R3HDM1: variants seen among roughly 807,000 people sequenced by gnomAD.
R3HDM1 encodes the protein R3H domain containing 1.
Under a neutral mutation model 141.1 loss-of-function variants are expected in R3HDM1, and 46 were observed. That is an observed-to-expected ratio of 0.33 (90% CI 0.26 to 0.42). R3HDM1 has a LOEUF of 0.42. Among genes scored for constraint, R3HDM1 ranks in the 10% least tolerant of loss-of-function variants. R3HDM1 has a pLI of 1.00. For missense variants in R3HDM1, 1,184 were observed against 1,368.3 expected (o/e 0.87, Z 2.12); for synonymous variants, 435 against 472.9 (o/e 0.92, Z 1.04).
At chr2:135,696,721 G>T (rs925966117) in intron 21 of R3HDM1, among the ~76,000 whole-genome samples, 1 of 152,100 alleles carries the variant, frequency 6.6e-6, no homozygotes, top group Non-Finnish European at 1.5e-5. Flanking sequence ...GAACTTTTGG[G>T]CTCAAGCAAT....
At chr2:135,661,510 C>A in intron 19 of R3HDM1, 117 bp downstream of exon 19, 2 of 1,305,806 alleles carry the variant, frequency 1.5e-6, no homozygotes, top group Non-Finnish European at 2.1e-6. Flanking sequence ...TATGTTCATA[C>A]ATATGAGTTT....
At chr2:135,546,127 C>G (rs1260529976) in intron 1 of R3HDM1, among the ~76,000 whole-genome samples, 1 of 152,200 alleles carries the variant, frequency 6.6e-6, no homozygotes. Context: ...ATTCTAGTGA[C>G]AAGAGCGCAT....
intron 16 of R3HDM1, among the ~76,000 whole-genome samples, chr2:135,649,697 C>T (rs970397768): frequency 2.0e-5 from 3 of 152,116 alleles, no homozygotes; most frequent in Non-Finnish European, 2.9e-5. Context: ...GTAATAAATT[C>T]AGGCGTACAT....
chr2:135,604,262 G>A (rs901583586), intron 2 of R3HDM1, among the ~76,000 whole-genome samples: 1 of 151,936 alleles, frequency 6.6e-6, no homozygotes, highest in Non-Finnish European at 1.5e-5. Context: ...AAGAAATTTG[G>A]AATTTTAGGA....
intron 1 of R3HDM1, chr2:135,586,915 A>G: frequency 1.0e-6 from 1 of 984,858 alleles, no homozygotes; most frequent in Non-Finnish European, 1.2e-6. Context: ...TAAAAATTTT[A>G]TTGTGGAACA....
At chr2:135,582,709 T>C (rs1041194251) in intron 1 of R3HDM1, among the ~76,000 whole-genome samples, 1 of 152,166 alleles carries the variant, frequency 6.6e-6, no homozygotes, top group Non-Finnish European at 1.5e-5. Flanking sequence ...AGTGAGGTAT[T>C]TTTACTTCAA....
intron 21 of R3HDM1, among the ~76,000 whole-genome samples, chr2:135,683,855 T>G (rs1481662318): frequency 2.0e-5 from 3 of 152,084 alleles, no homozygotes. Context: ...TTATCCTACA[T>G]ATTTCAGTAT....
chr2:135,590,710 C>A (rs1709062141), intron 1 of R3HDM1: 5 of 985,340 alleles, frequency 5.1e-6, no homozygotes, highest in Middle Eastern at 5.2e-4. Context: ...TAGCAGTGTT[C>A]ACCCATGCCC....
At chr2:135,669,754 A>C (rs1487443847) in intron 19 of R3HDM1, 1 of 204,484 alleles carries the variant, frequency 4.9e-6, no homozygotes, top group Non-Finnish European at 8.6e-6. Context: ...CTATTTCATA[A>C]GATTGTGAAC....
intron 1 of R3HDM1, chr2:135,549,859 A>C: frequency 1.8e-6 from 1 of 568,092 alleles, no homozygotes; most frequent in Non-Finnish European, 2.2e-6. Context: ...ACTGAATTGT[A>C]CCTTTAAAAA....
intron 19 of R3HDM1, among the ~76,000 whole-genome samples, chr2:135,662,822 A>C (rs1416370519): frequency 1.3e-5 from 2 of 152,224 alleles, no homozygotes; most frequent in African/African-American, 2.4e-5. Context: ...CTCAAGTAAT[A>C]GAATTTTCAT....
chr2:135,684,368 C>A (rs969280315), intron 21 of R3HDM1, among the ~76,000 whole-genome samples: 1 of 152,320 alleles, frequency 6.6e-6, no homozygotes, highest in East Asian at 1.9e-4. Flanking sequence ...GGATTACAGG[C>A]GTGAGCCACC....
rs181015290 is a variant in R3HDM1, at chr2:135,645,108, A to T, written c.1475-271A>T. 5.0e-4 allele frequency: 104 copies of T among 207,438 alleles called. 1 individual carries two copies. The highest frequency in any genetic ancestry group is 1.8e-3 in the African/African-American group (75 of 42,026). The allele number at this position is 207,438 out of a possible 1,614,324, so 12.8% of individuals were successfully genotyped here. ...GAAAATAATAATTAATTAATTAATT[A>T]AATTAAGCTCACTAGCGGTCTGGGC... On this transcript the variant is annotated intron_variant, in intron 15 of 26. Coordinates refer to ENST00000683871, the MANE Select transcript of R3HDM1 (RefSeq NM_001378107.1).
chr2:135,629,932 G>T (rs1004420970), intron 7 of R3HDM1, among the ~76,000 whole-genome samples: 2 of 152,078 alleles, frequency 1.3e-5, no homozygotes, highest in African/African-American at 4.8e-5. Context: ...TACTCCTGCT[G>T]TAGTAGTCAA....
At chr2:135,608,189 G>A (rs189448034) in intron 3 of R3HDM1, among the ~76,000 whole-genome samples, 21 of 152,138 alleles carry the variant, frequency 1.4e-4, no homozygotes, top group East Asian at 3.9e-4. Context: ...GGTGGCGCAC[G>A]CCTGTAATCC....
intron 20 of R3HDM1, among the ~76,000 whole-genome samples, chr2:135,678,728 TCAGTGGTTA>T (rs1308983430): frequency 6.7e-6 from 1 of 150,266 alleles, no homozygotes; most frequent in Non-Finnish European, 1.5e-5. Context: ...ATCATCATCA[TCAGTGGTTA>T]TAGTGGTTAT....
At chr2:135,678,759 T>C (rs1307250389) in intron 20 of R3HDM1, among the ~76,000 whole-genome samples, 2 of 1,536 alleles carry the variant, frequency 1.3e-3, no homozygotes, top group Non-Finnish European at 3.4e-3. Context: ...CTGGCTTGCT[T>C]TTTTTTTTTT....
chr2:135,613,745 G>A (rs1362814782), intron 3 of R3HDM1, among the ~76,000 whole-genome samples: 1 of 152,208 alleles, frequency 6.6e-6, no homozygotes, highest in Non-Finnish European at 1.5e-5. Context: ...GAACCTGGGA[G>A]GCGGAAGTTG....
At chr2:135,710,846 C>G (rs1249592936) in intron 23 of R3HDM1, among the ~76,000 whole-genome samples, 1 of 152,148 alleles carries the variant, frequency 6.6e-6, no homozygotes, top group African/African-American at 2.4e-5. Context: ...GGAATGTTCT[C>G]TGTAGAATAA....
Sources: gnomAD v4.1 joint callset for allele counts (sites outside exome capture counted in the v4.1 genomes callset) on GRCh38, gnomAD v4.1.1 for gene constraint, MANE v1.5 for transcripts, NCBI Gene and HGNC (gene_info 2026-07-23, HGNC 2026-07-21) for gene names.